TMCC1: variants seen among roughly 807,000 people sequenced by gnomAD.
The protein encoded by TMCC1 is transmembrane and coiled-coil domain family 1.
Under a neutral mutation model 52.4 loss-of-function variants are expected in TMCC1, and 15 were observed. The ratio of observed to expected loss-of-function variants is 0.29; its 90% CI spans 0.19 to 0.44. The LOEUF is 0.44. Ranked by LOEUF, TMCC1 falls within the 20% of genes least tolerant of loss-of-function variation. The pLI, the probability that TMCC1 is intolerant of heterozygous loss-of-function variation, is 1.00. For synonymous variants in TMCC1, 279 were observed against 301.9 expected (o/e 0.92, Z 0.79); for missense variants, 503 against 806.0 (o/e 0.62, Z 4.55).
chr3:129,735,444 A>C (rs1254058937), intron 4 of TMCC1, among the ~76,000 whole-genome samples: 1 of 151,932 alleles, frequency 6.6e-6, no homozygotes, highest in Non-Finnish European at 1.5e-5. Flanking sequence ...AGAGTTTGAG[A>C]CCAGCCTTGG....
Position 129,662,227 on chromosome 3 carries a change from C to T in TMCC1, c.1512-7124G>A, listed in dbSNP as rs534728462. On this transcript the variant is annotated intron_variant, in intron 5 of 6. Transcript: ENST00000393238. ...TCTTAATCATACAAGAACAGTCATG[C>T]CTCACTTAATGATGGGGACACATCT... Among the ~76,000 whole-genome samples the T allele has an allele frequency of 2.1e-4, 32 of 152,122 alleles. No homozygotes were observed. In the East Asian group the frequency reaches 3.1e-3, roughly 15 times the overall value.
chr3:129,771,005 C>A (rs1163319480), intron 4 of TMCC1, among the ~76,000 whole-genome samples: 1 of 152,204 alleles, frequency 6.6e-6, no homozygotes, highest in Non-Finnish European at 1.5e-5. Flanking sequence ...TAATATTTTT[C>A]TGTCAATGTG....
chr3:129,819,528 T>A (rs932314669), intron 4 of TMCC1, among the ~76,000 whole-genome samples: 10 of 152,130 alleles, frequency 6.6e-5, no homozygotes, highest in Non-Finnish European at 1.5e-4. Flanking sequence ...TTTTGCCAAA[T>A]AAAAATTAAA....
chr3:129,854,972 C>T (rs1259782732), intron 2 of TMCC1, among the ~76,000 whole-genome samples: 3 of 152,172 alleles, frequency 2.0e-5, no homozygotes, highest in Non-Finnish European at 4.4e-5. Context: ...CATGAATGAA[C>T]AAATGCATGA....
intron 4 of TMCC1, among the ~76,000 whole-genome samples, chr3:129,813,375 A>G (rs543164862): frequency 1.4e-4 from 22 of 152,352 alleles, no homozygotes; most frequent in African/African-American, 3.1e-4. Context: ...TCACTGCAGC[A>G]CTATTCACAA....
chr3:129,742,852 C>T (rs185631876), intron 4 of TMCC1, among the ~76,000 whole-genome samples: 1 of 152,134 alleles, frequency 6.6e-6, no homozygotes, highest in African/African-American at 2.4e-5. Context: ...CATGGATAAA[C>T]CTTCAAAACA....
intron 2 of TMCC1, among the ~76,000 whole-genome samples, chr3:129,854,567 TCTAA>T (rs890265248): frequency 6.6e-6 from 1 of 152,034 alleles, no homozygotes; most frequent in Non-Finnish European, 1.5e-5. Context: ...TCTTTTTCTC[TCTAA>T]CTCTCACTGT....
intron 6 of TMCC1, among the ~76,000 whole-genome samples, chr3:129,653,653 T>C (rs897600760): frequency 2.9e-4 from 44 of 152,252 alleles, no homozygotes; most frequent in Admixed American, 2.3e-3. Context: ...CGTGTTAGGA[T>C]GGTCTTGATC....
rs1231482232 is a variant in TMCC1, at chr3:129,647,816, A to G, written c.*3665T>C. ...GTTAATAGCTGAGGTCTTTATTTCAATTTCTATATACAGTAAAAGTGCTGC... is the reference window on the plus strand; with the variant it reads ...GTTAATAGCTGAGGTCTTTATTTCAGTTTCTATATACAGTAAAAGTGCTGC... On this transcript the variant is annotated 3_prime_UTR_variant, in exon 7 of 7. Transcript: ENST00000393238. 4 of 152,614 alleles carry G rather than the reference A, an allele frequency of 2.6e-5. No individual in the cohort carries two copies. Among genetic ancestry groups the G allele is most frequent in the Non-Finnish European group, 5.9e-5 (4 of 68,028 alleles). The allele number at this position is 152,614 out of a possible 1,614,324, so 9.5% of individuals were successfully genotyped here.
rs116370109 is a variant in TMCC1, at chr3:129,849,180, C to T, written c.-183-16354G>A. Among the ~76,000 whole-genome samples, 424 of 152,190 alleles carry T rather than the reference C, an allele frequency of 2.8e-3. 3 individuals are homozygous for T. Among genetic ancestry groups the T allele is most frequent in the African/African-American group, 9.6e-3 (398 of 41,552 alleles). The stretch of plus-strand genomic sequence containing the variant: ...CATTTATTTGTAAGTATCTCTATAT[C>T]GGCTGGGTGCAGAGGCTCACACCTG... On this transcript the variant is annotated intron_variant, in intron 2 of 6. Coordinates refer to ENST00000393238, the MANE Select transcript of TMCC1 (RefSeq NM_001017395.5).
Position 129,740,361 on chromosome 3 carries a change from C to T in TMCC1, c.577-69097G>A, listed in dbSNP as rs372846671. On this transcript the variant is annotated intron_variant, in intron 4 of 6. Transcript: ENST00000393238. ...CAGTTCTATCCAAGAGAAGCATGTCCACTGCTTGATAACTTAGTAGCACAA... is the reference window on the plus strand; with the variant it reads ...CAGTTCTATCCAAGAGAAGCATGTCTACTGCTTGATAACTTAGTAGCACAA... Among the ~76,000 whole-genome samples, 7 of 152,272 alleles carry T rather than the reference C, an allele frequency of 4.6e-5. No homozygotes were observed. The East Asian group carries it at 1.4e-3, about 29-fold the overall frequency.
Position 129,833,185 on chromosome 3 carries a change from A to G in TMCC1, c.-183-359T>C, listed in dbSNP as rs180844401. ...TAATCTTAAAGTAACATGAAATATA[A>G]AACAGGTACATGAAAACACCACAAT... On this transcript the variant is annotated intron_variant, in intron 2 of 6. Coordinates refer to ENST00000393238, the MANE Select transcript of TMCC1 (RefSeq NM_001017395.5). Among the ~76,000 whole-genome samples the G allele has an allele frequency of 2.0e-5, 3 of 152,332 alleles. No homozygotes were observed. In the East Asian group the frequency reaches 5.8e-4, roughly 29 times the overall value.
At chr3:129,858,283 C>G (rs17329254) in intron 2 of TMCC1, among the ~76,000 whole-genome samples, 19,245 of 152,228 alleles carry the variant, frequency 0.13, 1,647 homozygotes, top group Non-Finnish European at 0.18. Context: ...CAGCACACTA[C>G]TAAACAGCTT....
At chr3:129,809,635 G>GAA (rs149580667) in intron 4 of TMCC1, among the ~76,000 whole-genome samples, 1 of 147,698 alleles carries the variant, frequency 6.8e-6, no homozygotes, top group Non-Finnish European at 1.5e-5. Context: ...CTGACAGGAA[G>GAA]AAAAAAAAAA....
intron 4 of TMCC1, among the ~76,000 whole-genome samples, chr3:129,694,914 T>G (rs983427200): frequency 2.0e-5 from 3 of 151,678 alleles, no homozygotes; most frequent in Non-Finnish European, 4.4e-5. Context: ...AACCCTCTCT[T>G]GGGGTTTGGA....
chr3:129,748,291 T>TTTG (rs527508552), intron 4 of TMCC1, among the ~76,000 whole-genome samples: 151 of 152,188 alleles, frequency 9.9e-4, no homozygotes, highest in African/African-American at 3.4e-3. Flanking sequence ...GATTTGGGTT[T>TTTG]TTGTTGTTGT....
intron 4 of TMCC1, among the ~76,000 whole-genome samples, chr3:129,684,656 A>C (rs2089272922): frequency 6.6e-6 from 1 of 152,230 alleles, no homozygotes; most frequent in African/African-American, 2.4e-5. Context: ...TGAGCAATGG[A>C]AAGATTTCAG....
intron 4 of TMCC1, among the ~76,000 whole-genome samples, chr3:129,780,227 T>C (rs978045050): frequency 1.3e-5 from 2 of 152,148 alleles, no homozygotes; most frequent in African/African-American, 4.8e-5. Flanking sequence ...GTTCAAGCCC[T>C]CAATTTGATA....
chr3:129,854,216 AC>A, intron 2 of TMCC1, among the ~76,000 whole-genome samples: 1 of 151,950 alleles, frequency 6.6e-6, no homozygotes, highest in East Asian at 1.9e-4. Flanking sequence ...ACATGGTGAA[AC>A]CCTGTCTCTA....
Sources: gnomAD v4.1 joint callset for allele counts (sites outside exome capture counted in the v4.1 genomes callset) on GRCh38, gnomAD v4.1.1 for gene constraint, MANE v1.5 for transcripts, NCBI Gene and HGNC (gene_info 2026-07-23, HGNC 2026-07-21) for gene names.